The following RYR2 variants were observed in gnomAD, a reference collection of about 807,000 sequenced individuals.
RYR2 encodes cardiac muscle ryanodine receptor-calcium release channel.
Under a neutral mutation model 601.1 loss-of-function variants are expected in RYR2, and 227 were observed. The ratio of observed to expected loss-of-function variants is 0.38; its 90% CI spans 0.34 to 0.42. The LOEUF is 0.42. Ranked by LOEUF, RYR2 falls within the 10% of genes least tolerant of loss-of-function variation. The probability of loss-of-function intolerance (pLI) is 1.00; values close to 1 mark genes in which losing one functional copy is unlikely to be tolerated. For missense variants in RYR2, 4,646 were observed against 6,156.5 expected (o/e 0.75, Z 8.21); for synonymous variants, 2,223 against 2,175.1 (o/e 1.02, Z -0.61).
chr1:237,077,331 A>C (rs1424192498), intron 1 of RYR2, among the ~76,000 whole-genome samples: 4 of 86,298 alleles, frequency 4.6e-5, no homozygotes, highest in Admixed American at 1.4e-4. Context: ...ACAGACTGGC[A>C]AGTTGGATAA....
chr1:237,216,537 A>G (rs184023893), intron 1 of RYR2, among the ~76,000 whole-genome samples: 1 of 152,174 alleles, frequency 6.6e-6, no homozygotes, highest in East Asian at 1.9e-4. Flanking sequence ...CAGGAGTTTG[A>G]GAGGAGCCTG....
chr1:237,121,828 A>G (rs2148652122), intron 1 of RYR2, among the ~76,000 whole-genome samples: 1 of 152,334 alleles, frequency 6.6e-6, no homozygotes, highest in African/African-American at 2.4e-5. Flanking sequence ...GGAATGTTGT[A>G]GATATGGGAT....
At chr1:237,435,795 G>A (rs1027631190) in intron 12 of RYR2, among the ~76,000 whole-genome samples, 3 of 152,176 alleles carry the variant, frequency 2.0e-5, no homozygotes, top group African/African-American at 7.2e-5. Context: ...ACATTGTGAC[G>A]AATTAGAGTA....
intron 6 of RYR2, among the ~76,000 whole-genome samples, chr1:237,373,266 A>G (rs375764529): frequency 6.6e-5 from 10 of 152,324 alleles, no homozygotes; most frequent in African/African-American, 2.4e-4. Flanking sequence ...CCTCTTGGCT[A>G]TAACCTTGGG....
At chr1:237,493,463 T>C (rs564704510) in intron 19 of RYR2, among the ~76,000 whole-genome samples, 4 of 152,094 alleles carry the variant, frequency 2.6e-5, no homozygotes, top group Admixed American at 2.6e-4. Flanking sequence ...GTTTTTTTCT[T>C]TTTTTTTAAG....
intron 1 of RYR2, among the ~76,000 whole-genome samples, chr1:237,168,777 T>C (rs560500944): frequency 1.1e-4 from 17 of 152,346 alleles, no homozygotes; most frequent in African/African-American, 3.6e-4. Flanking sequence ...TCGAATGCTC[T>C]ACATTGTCTG....
chr1:237,678,023 A>C, intron 60 of RYR2, 25 bp from the exon 61 acceptor site: 1 of 1,446,384 alleles, frequency 6.9e-7, no homozygotes. Context: ...TGCAGCATTT[A>C]CCTAAAAACT....
intron 10 of RYR2, among the ~76,000 whole-genome samples, chr1:237,399,049 G>A (rs1703108638): frequency 6.6e-6 from 1 of 152,078 alleles, no homozygotes; most frequent in Non-Finnish European, 1.5e-5. Context: ...CAAAAAATTA[G>A]CTGGGCATGG....
intron 1 of RYR2, among the ~76,000 whole-genome samples, chr1:237,177,363 T>C (rs886462263): frequency 5.9e-5 from 9 of 152,202 alleles, no homozygotes; most frequent in African/African-American, 1.9e-4. Context: ...CACTTCCCAA[T>C]TTAAGAAGCA....
Position 237,454,432 on chromosome 1 carries a change from T to C in RYR2, c.1334T>C (p.Val445Ala). 6.2e-7 allele frequency: 1 copy of C among 1,613,036 alleles called. No homozygotes were observed. The highest frequency in any genetic ancestry group is 8.5e-7 in the Non-Finnish European group (1 of 1,179,444). ...AGCAAGAAAGCGAAGGCTTCCACAG[T>C]CGATTTGCCTATAGAGTCCGTAAGC... ...ALSKKAKAST[V>A]DLPIESVSLS... is the part of the protein sequence containing the mutation. The change falls in exon 15 of 105, where the codon GTC (valine) becomes GCC (alanine). Residue 445 changes from valine (V) to alanine (A), a missense_variant. Physicochemically the swap from Val to Ala is moderately conservative, Grantham distance 64 (BLOSUM62 0). Transcript: ENST00000366574.
chr1:237,696,827 T>C (rs1687494278), intron 63 of RYR2, among the ~76,000 whole-genome samples: 1 of 152,172 alleles, frequency 6.6e-6, no homozygotes, highest in Non-Finnish European at 1.5e-5. Context: ...TATTCTCAAG[T>C]TCTTCACCAC....
Position 237,812,981 on chromosome 1 carries a change from A to G in RYR2, c.14433+3946A>G, listed in dbSNP as rs373118297. 1.7e-4 allele frequency among the ~76,000 whole-genome samples: 26 copies of G among 151,920 alleles called. No individual in the cohort carries two copies. The East Asian group carries it at 4.8e-3, about 28-fold the overall frequency. ...GACCCGTTACTAGTGACGACTCTCC[A>G]TCAGAGTCACTAACATGCAACACTT... On this transcript the variant is annotated intron_variant, in intron 100 of 104. Coordinates refer to ENST00000366574, the MANE Select transcript of RYR2 (RefSeq NM_001035.3).
Position 237,654,391 on chromosome 1 carries a change from A to G in RYR2, c.7942A>G (p.Ile2648Val), listed in dbSNP as rs1683048124. 6.2e-7 allele frequency: 1 copy of G among 1,613,812 alleles called. No homozygotes were observed. Among genetic ancestry groups the G allele is most frequent in the African/African-American group, 1.3e-5 (1 of 74,926 alleles). The change falls in exon 52 of 105, where the codon ATT becomes GTT. Residue 2648 changes from isoleucine (I) to valine (V), a missense_variant. Around this residue, in one of 17 missense-constraint regions of RYR2, gnomAD observed 1,497 missense variants for 1,842.6 expected, o/e 0.81. Transcript: ENST00000366574. The part of the protein sequence containing the change: ...LHLSRKLFWG[I>V]FDALSQKKYE... ...TTTATCAAGAAAGTTGTTCTGGGGC[A>G]TTTTTGATGCCCTGTCTCAAAAGGT...
At chr1:237,270,013 A>G (rs897935304) in intron 1 of RYR2, among the ~76,000 whole-genome samples, 1 of 152,206 alleles carries the variant, frequency 6.6e-6, no homozygotes, top group Admixed American at 6.5e-5. Flanking sequence ...GACTTTTACC[A>G]TCACTTTGAA....
intron 31 of RYR2, 143 bp from the exon 32 acceptor site, chr1:237,591,596 A>C (rs1406542528): frequency 6.0e-6 from 4 of 664,502 alleles, no homozygotes; most frequent in East Asian, 2.8e-5. Context: ...AGAACCAAAA[A>C]CATGTATTTT....
chr1:237,104,491 C>T (rs903738371), intron 1 of RYR2, among the ~76,000 whole-genome samples: 3 of 152,312 alleles, frequency 2.0e-5, no homozygotes, highest in African/African-American at 7.2e-5. Context: ...GATGCTCCGG[C>T]ATGGTGAGTT....
At chr1:237,116,219 G>A (rs529340752) in intron 1 of RYR2, among the ~76,000 whole-genome samples, 4 of 152,268 alleles carry the variant, frequency 2.6e-5, no homozygotes, top group Admixed American at 2.6e-4. Context: ...CAGGCTGAAC[G>A]ACTTGCCCAA....
chr1:237,581,555 G>T (rs1673918730), intron 29 of RYR2, among the ~76,000 whole-genome samples: 1 of 152,158 alleles, frequency 6.6e-6, no homozygotes, highest in Non-Finnish European at 1.5e-5. Flanking sequence ...AAGAAGCCAG[G>T]ATATAGAACT....
chr1:237,363,365 A>T (rs1186015566), intron 4 of RYR2, among the ~76,000 whole-genome samples: 2 of 152,092 alleles, frequency 1.3e-5, no homozygotes, highest in African/African-American at 4.8e-5. Context: ...TTTCCTTGAA[A>T]TTGTAATATT....
Sources: gnomAD v4.1 joint callset for allele counts (sites outside exome capture counted in the v4.1 genomes callset) on GRCh38, gnomAD v4.1.1 for gene constraint, gnomAD v4.1.1 regional missense constraint, MANE v1.5 for transcripts, NCBI Gene and HGNC (gene_info 2026-07-23, HGNC 2026-07-21) for gene names.